Variants in KCNAB1 observed in about 807,000 individuals in gnomAD.
KCNAB1 encodes voltage-gated potassium channel subunit beta-1.
A neutral mutation model predicts 64.6 loss-of-function variants in KCNAB1; 35 were observed. The observed-to-expected ratio is 0.54, with a 90% CI of 0.41 to 0.72. The LOEUF is 0.72. KCNAB1 is among the 30% of genes least tolerant of loss of function. The pLI, the probability that KCNAB1 is intolerant of heterozygous loss-of-function variation, is 0.00. For synonymous variants in KCNAB1, 177 were observed against 183.8 expected, an observed-to-expected ratio of 0.96 and a Z score of 0.30; for missense variants, 401 against 512.9, an observed-to-expected ratio of 0.78 and a Z score of 2.11.
rs145762712 is a variant in KCNAB1 at position 156,152,265 on chromosome 3, C to G, written c.275+31379C>G. On this transcript the variant is annotated intron_variant, in intron 1 of 13. Transcript: ENST00000490337. ...GGTAGGTGTGTTAAAAGGGAGTCACCAGGCGTTAAGAGGGGTAAGGCCCTC... is the reference window on the plus strand; with the variant it reads ...GGTAGGTGTGTTAAAAGGGAGTCACGAGGCGTTAAGAGGGGTAAGGCCCTC... 8.5e-5 allele frequency among the ~76,000 whole-genome samples: 13 copies of G among 152,308 alleles called. No individual in the cohort carries two copies. In the East Asian group the frequency reaches 2.3e-3, roughly 27 times the overall value.
At chr3:156,363,221 G>A (rs1396905995) in intron 1 of KCNAB1, among the ~76,000 whole-genome samples, 5 of 152,154 alleles carry the variant, frequency 3.3e-5, no homozygotes, top group Non-Finnish European at 7.3e-5. Context: ...ATATTCAAAT[G>A]CCATAGTTTG....
chr3:156,266,225 C>G (rs998097004), intron 1 of KCNAB1, among the ~76,000 whole-genome samples: 1 of 152,088 alleles, frequency 6.6e-6, no homozygotes, highest in African/African-American at 2.4e-5. Context: ...CACAGAAATA[C>G]CATACTGCAT....
At chr3:156,486,573 G>C (rs1315006968) in intron 8 of KCNAB1, among the ~76,000 whole-genome samples, 1 of 152,142 alleles carries the variant, frequency 6.6e-6, no homozygotes, top group Non-Finnish European at 1.5e-5. Flanking sequence ...GGGGTAAAGA[G>C]GTGGGCTGAC....
At chr3:156,515,262 G>C (rs1351135213) in intron 10 of KCNAB1, 42 bp downstream of exon 10, 1 of 1,556,000 alleles carries the variant, frequency 6.4e-7, no homozygotes, top group East Asian at 2.3e-5. Flanking sequence ...TTTAACAAGA[G>C]AAAGATCACT....
Position 156,217,304 on chromosome 3 carries a change from C to G in KCNAB1, c.275+96418C>G, listed in dbSNP as rs148950869. On this transcript the variant is annotated intron_variant, in intron 1 of 13. Coordinates refer to ENST00000490337, the MANE Select transcript of KCNAB1 (RefSeq NM_172160.3). Reference sequence around the variant, plus strand: ...GTGACATGATTATTATTACTTTGGCCTCTCTTTTCCAAATATGTTAACAAC... The same window carrying G: ...GTGACATGATTATTATTACTTTGGCGTCTCTTTTCCAAATATGTTAACAAC... Among the ~76,000 whole-genome samples the G allele has an allele frequency of 9.0e-3, 1,371 of 152,242 alleles. 32 individuals are homozygous for G. The highest frequency in any genetic ancestry group is 0.031 in the African/African-American group (1,271 of 41,526).
intron 1 of KCNAB1, among the ~76,000 whole-genome samples, chr3:156,293,043 A>C (rs988554911): frequency 6.6e-6 from 1 of 152,226 alleles, no homozygotes; most frequent in African/African-American, 2.4e-5. Flanking sequence ...TTTCCTCATA[A>C]ATTTTAAAGC....
chr3:156,119,508 C>A (rs963309226), upstream of KCNAB1, among the ~76,000 whole-genome samples: 1 of 152,130 alleles, frequency 6.6e-6, no homozygotes, highest in Non-Finnish European at 1.5e-5. Flanking sequence ...TAAGGACTTG[C>A]TATAACTCTA....
chr3:156,232,858 A>G (rs756829157), intron 1 of KCNAB1, among the ~76,000 whole-genome samples: 22 of 152,380 alleles, frequency 1.4e-4, no homozygotes, highest in Middle Eastern at 3.4e-3. Flanking sequence ...AAAGTATTCA[A>G]TTTTCAGAAA....
intron 1 of KCNAB1, among the ~76,000 whole-genome samples, chr3:156,225,834 A>G (rs1560146459): frequency 6.6e-6 from 1 of 152,174 alleles, no homozygotes; most frequent in South Asian, 2.1e-4. Flanking sequence ...GCTGCAAAAA[A>G]TAATAATAAT....
At chr3:156,172,587 G>A (rs1403686433) in intron 1 of KCNAB1, among the ~76,000 whole-genome samples, 3 of 152,020 alleles carry the variant, frequency 2.0e-5, no homozygotes, top group Non-Finnish European at 4.4e-5. Flanking sequence ...GCTATCAAAC[G>A]GCATTTTAAA....
chr3:156,362,926 C>T (rs1444892925), intron 1 of KCNAB1, among the ~76,000 whole-genome samples: 2 of 152,202 alleles, frequency 1.3e-5, no homozygotes, highest in Non-Finnish European at 2.9e-5. Flanking sequence ...CAGCTCAGTT[C>T]TCGGAACTTT....
intron 1 of KCNAB1, among the ~76,000 whole-genome samples, chr3:156,189,442 T>C (rs929269046): frequency 1.8e-4 from 28 of 152,218 alleles, no homozygotes; most frequent in African/African-American, 6.5e-4. Context: ...GTTCCCACAA[T>C]GGACAAAATG....
chr3:156,246,622 A>T (rs947500504), intron 1 of KCNAB1, among the ~76,000 whole-genome samples: 12 of 133,308 alleles, frequency 9.0e-5, no homozygotes, highest in East Asian at 2.3e-4. Context: ...AAAAGTTAAT[A>T]AAAAAAAGCA....
Position 156,120,667 on chromosome 3 carries a change from A to G in KCNAB1, c.56A>G (p.Lys19Arg), listed in dbSNP as rs1423968974. ...AGSQISEENT[K>R]LRRQSGFSVA... ...AGTCAGATCTCAGAGGAGAACACCA[A>G]GTTAAGGAGACAGTCTGGGTTTTCT... The change falls in exon 1 of 14, where the codon AAG (lysine) becomes AGG (arginine). Residue 19 changes from lysine to arginine, a missense_variant. Physicochemically the swap from Lys to Arg is conservative, Grantham distance 26. Transcript: ENST00000490337. 1 of 1,614,236 alleles carries G rather than the reference A, an allele frequency of 6.2e-7. No homozygotes were observed. The highest frequency in any genetic ancestry group is 8.5e-7 in the Non-Finnish European group (1 of 1,180,026).
intron 1 of KCNAB1, among the ~76,000 whole-genome samples, chr3:156,172,318 T>C (rs557237032): frequency 6.6e-6 from 1 of 151,414 alleles, no homozygotes; most frequent in Admixed American, 6.6e-5. Context: ...CTTGCTTTGT[T>C]GCCCAGGCTG....
At chr3:156,258,835 T>G (rs1718258526) in intron 1 of KCNAB1, among the ~76,000 whole-genome samples, 1 of 152,176 alleles carries the variant, frequency 6.6e-6, no homozygotes, top group African/African-American at 2.4e-5. Context: ...ACAACTATAT[T>G]GCTATAAATA....
intron 1 of KCNAB1, among the ~76,000 whole-genome samples, chr3:156,292,360 T>C (rs910208562): frequency 2.0e-5 from 3 of 152,178 alleles, no homozygotes; most frequent in Admixed American, 6.5e-5. Flanking sequence ...CCTATGAACA[T>C]TTTAGAAACT....
intron 9 of KCNAB1, 79 bp from the exon 10 acceptor site, chr3:156,515,021 C>T (rs116363768): frequency 7.3e-5 from 102 of 1,389,302 alleles, no homozygotes; most frequent in Non-Finnish European, 9.7e-5. Flanking sequence ...CCAAAGTAAA[C>T]ATTTCTCATG....
At chr3:156,216,909 A>G (rs1715359589) in intron 1 of KCNAB1, 1 of 152,174 alleles carries the variant, frequency 6.6e-6, no homozygotes, top group Admixed American at 6.5e-5. Flanking sequence ...CCCAGTATGA[A>G]GTGATTTTAG....
Sources: allele counts gnomAD v4.1 joint callset (sites outside exome capture counted in the v4.1 genomes callset), GRCh38; gene constraint gnomAD v4.1.1; transcripts MANE v1.5; gene names NCBI Gene and HGNC (gene_info 2026-07-23, HGNC 2026-07-21).